FAM185A: variants seen among roughly 807,000 people sequenced by gnomAD.
FAM185A encodes the protein protein FAM185A.
In FAM185A, 21 loss-of-function variants were observed where a neutral mutation model predicts 45.7. The ratio of observed to expected loss-of-function variants is 0.46; its 90% CI spans 0.33 to 0.66. FAM185A has a LOEUF of 0.66. FAM185A is among the 30% of genes least tolerant of loss of function. FAM185A has a pLI of 0.03. For missense variants in FAM185A, 305 were observed against 485.4 expected, an observed-to-expected ratio of 0.63 and a Z score of 3.49; for synonymous variants, 117 against 194.0, an observed-to-expected ratio of 0.60 and a Z score of 3.30.
chr7:102,831,431 A>ACACACC, the FAM185A span, among the ~76,000 whole-genome samples: 566 of 147,230 alleles, frequency 3.8e-3, 3 homozygotes, highest in African/African-American at 0.013. Flanking sequence ...ACACACACAC[A>ACACACC]CCCCACTACA....
downstream of FAM185A, among the ~76,000 whole-genome samples, chr7:102,811,556 G>T (rs1797436251): frequency 6.6e-6 from 1 of 152,192 alleles, no homozygotes; most frequent in South Asian, 2.1e-4. Context: ...TTTGGAGCAA[G>T]CTCTGAATGT....
At chr7:102,847,991 A>G in the FAM185A span, among the ~76,000 whole-genome samples, 1 of 152,228 alleles carries the variant, frequency 6.6e-6, no homozygotes, top group African/African-American at 2.4e-5. Flanking sequence ...CAAGGTGTAT[A>G]CATATATTTA....
downstream of FAM185A, among the ~76,000 whole-genome samples, chr7:102,810,213 T>C (rs962132934): frequency 1.3e-5 from 2 of 152,188 alleles, no homozygotes; most frequent in Non-Finnish European, 2.9e-5. Flanking sequence ...ATATTTTTTA[T>C]GATTAAGATA....
At chr7:102,834,403 G>A in the FAM185A span, among the ~76,000 whole-genome samples, 15 of 145,054 alleles carry the variant, frequency 1.0e-4, no homozygotes, top group South Asian at 1.3e-3. Context: ...TATTATATGC[G>A]ATTATATATA....
In FAM185A at chr7:102,756,358, TA is replaced by T. The variant is rs530624100; in HGVS notation, c.562-1487del. Among the ~76,000 whole-genome samples, 259 of 151,540 alleles carry T rather than the reference TA, an allele frequency of 1.7e-3. 1 individual carries two copies. Among genetic ancestry groups the T allele is most frequent in the South Asian group, 0.012 (59 of 4,782 alleles). On this transcript the variant is annotated intron_variant, in intron 2 of 7. Coordinates refer to ENST00000413034, the MANE Select transcript of FAM185A (RefSeq NM_001145268.2). ...ATGATTAAGGGAAAATAAACTACTC[TA>T]AAAAAAAATCAGACTAGGCCGGGTG...
the FAM185A span, chr7:102,832,732 A>C: frequency 7.6e-7 from 1 of 1,311,924 alleles, no homozygotes; most frequent in South Asian, 2.2e-5. Flanking sequence ...TGAATACCTC[A>C]ACCATGGCAA....
the FAM185A span, among the ~76,000 whole-genome samples, chr7:102,848,372 C>T: frequency 1.3e-4 from 7 of 55,156 alleles, 1 homozygote; most frequent in South Asian, 2.9e-3. Context: ...CTGGCTAACA[C>T]GGTGAAACCC....
intron 2 of FAM185A, among the ~76,000 whole-genome samples, chr7:102,753,198 G>A (rs1280616769): frequency 6.6e-6 from 1 of 151,722 alleles, no homozygotes; most frequent in Non-Finnish European, 1.5e-5. Flanking sequence ...ATTCTTTTTT[G>A]TCCTTAGAAA....
intron 6 of FAM185A, among the ~76,000 whole-genome samples, chr7:102,783,215 C>T (rs925986839): frequency 6.6e-6 from 1 of 151,434 alleles, no homozygotes; most frequent in Non-Finnish European, 1.5e-5. Flanking sequence ...ACTTTAACAC[C>T]CTACTGTCAG....
At chr7:102,799,548 G>T (rs1027295946) in intron 7 of FAM185A, among the ~76,000 whole-genome samples, 2 of 152,202 alleles carry the variant, frequency 1.3e-5, no homozygotes, top group Admixed American at 6.5e-5. Context: ...TGAGGAAGAG[G>T]ATCATTCTGT....
chr7:102,850,204 A>T, the FAM185A span, among the ~76,000 whole-genome samples: 1 of 152,196 alleles, frequency 6.6e-6, no homozygotes, highest in Non-Finnish European at 1.5e-5. Flanking sequence ...ACCTAAAAAT[A>T]GTACAATTTT....
intron 7 of FAM185A, 127 bp from the exon 8 acceptor site, chr7:102,808,163 C>A: frequency 1.5e-6 from 1 of 673,972 alleles, no homozygotes; most frequent in Non-Finnish European, 2.6e-6. Context: ...AACTCCTGCC[C>A]AGTTCAGACT....
chr7:102,807,318 T>C (rs1797179665), intron 7 of FAM185A, among the ~76,000 whole-genome samples: 1 of 152,174 alleles, frequency 6.6e-6, no homozygotes, highest in Admixed American at 6.5e-5. Flanking sequence ...TTTACCTATG[T>C]CAAAACTTAC....
chr7:102,763,168 G>A (rs1794206498), intron 4 of FAM185A, among the ~76,000 whole-genome samples: 1 of 151,882 alleles, frequency 6.6e-6, no homozygotes, highest in African/African-American at 2.4e-5. Flanking sequence ...TGCCTAGATG[G>A]TAGTAAAACA....
the FAM185A span, among the ~76,000 whole-genome samples, chr7:102,814,970 A>G: frequency 6.6e-6 from 1 of 152,146 alleles, no homozygotes; most frequent in African/African-American, 2.4e-5. Context: ...TCCCTTTTCA[A>G]TTCTATAAAG....
chr7:102,807,544 T>TA (rs1797193311), intron 7 of FAM185A, among the ~76,000 whole-genome samples: 2 of 150,146 alleles, frequency 1.3e-5, no homozygotes, highest in Admixed American at 6.6e-5. Flanking sequence ...TCTCCAATAT[T>TA]CAAAAAAAAA....
intron 4 of FAM185A, among the ~76,000 whole-genome samples, chr7:102,768,592 A>G (rs1349239610): frequency 6.8e-6 from 1 of 147,534 alleles, no homozygotes; most frequent in Non-Finnish European, 1.5e-5. Flanking sequence ...CTTTAAGGAT[A>G]CTTGATTACT....
At chr7:102,825,975 A>C in the FAM185A span, among the ~76,000 whole-genome samples, 2 of 152,238 alleles carry the variant, frequency 1.3e-5, no homozygotes, top group African/African-American at 4.8e-5. Flanking sequence ...ACCAGTGACT[A>C]GCATAAAGTA....
the FAM185A span, among the ~76,000 whole-genome samples, chr7:102,838,984 A>G: frequency 1.3e-5 from 2 of 152,146 alleles, no homozygotes; most frequent in African/African-American, 4.8e-5. Flanking sequence ...TGCAGTTGAG[A>G]TAAGAGGAAG....
Sources: allele counts gnomAD v4.1 joint callset (sites outside exome capture counted in the v4.1 genomes callset), GRCh38; gene constraint gnomAD v4.1.1; transcripts MANE v1.5; gene names NCBI Gene and HGNC (gene_info 2026-07-23, HGNC 2026-07-21).